Variants in TMEM164 observed in about 807,000 individuals in gnomAD.
TMEM164 encodes RP13-360B22.2.
Under a neutral mutation model 18.8 loss-of-function variants are expected in TMEM164, and 4 were observed. That is an observed-to-expected ratio of 0.21 (90% confidence interval 0.10 to 0.49). The LOEUF (loss-of-function observed/expected upper bound fraction) is 0.49, where lower values mean the gene tolerates loss of function less well. Ranked by LOEUF, TMEM164 falls within the 20% of genes least tolerant of loss-of-function variation. The pLI, the probability that TMEM164 is intolerant of heterozygous loss-of-function variation, is 0.98. For missense variants in TMEM164, 108 were observed against 239.9 expected, an observed-to-expected ratio of 0.45 and a Z score of 3.63; for synonymous variants, 86 against 101.7, an observed-to-expected ratio of 0.85 and a Z score of 0.93.
chrX:110,014,744 C>CTTTTTTTTTTTTTTTTTTTTTGTTTTTT (rs1933221325), intron 2 of TMEM164, among the ~76,000 whole-genome samples: 1 of 54,239 alleles, frequency 1.8e-5, no homozygotes, highest in Non-Finnish European at 3.2e-5. Context: ...TTGGTTGTTT[C>CTTTTTTTTTTTTTTTTTTTTTGTTTTTT]TTTTTTTTTT....
intron 4 of TMEM164, among the ~76,000 whole-genome samples, chrX:110,143,728 G>A (rs1194163360): frequency 9.1e-6 from 1 of 110,095 alleles, no homozygotes; most frequent in African/African-American, 3.3e-5. Flanking sequence ...TCTTGGTTAT[G>A]TGCTTGCCCT....
At chrX:110,041,141 G>A (rs973748350) in intron 2 of TMEM164, among the ~76,000 whole-genome samples, 1 of 111,971 alleles carries the variant, frequency 8.9e-6, no homozygotes, top group Non-Finnish European at 1.9e-5. Context: ...TTTCAAAAAT[G>A]TTTGTTGTAA....
intron 2 of TMEM164, among the ~76,000 whole-genome samples, chrX:110,014,744 C>CTTTTTTTTTTTTTTTTTTTTTTT (rs142705177): frequency 1.5e-3 from 83 of 54,180 alleles, no homozygotes; most frequent in Non-Finnish European, 1.8e-3. Context: ...TTGGTTGTTT[C>CTTTTTTTTTTTTTTTTTTTTTTT]TTTTTTTTTT....
At chrX:110,062,644 A>G (rs1466737951) in intron 2 of TMEM164, among the ~76,000 whole-genome samples, 1 of 111,995 alleles carries the variant, frequency 8.9e-6, no homozygotes, top group Admixed American at 9.5e-5. Context: ...TGGTTGAGTA[A>G]ATTATTGCAT....
chrX:110,015,136 C>T (rs1032975676), intron 2 of TMEM164, among the ~76,000 whole-genome samples: 3 of 112,164 alleles, frequency 2.7e-5, no homozygotes, highest in African/African-American at 9.7e-5. Context: ...CCACCAATCA[C>T]TAGAGAAGGA....
At chrX:110,063,780 AT>A (rs1448799282) in intron 2 of TMEM164, among the ~76,000 whole-genome samples, 1 of 111,180 alleles carries the variant, frequency 9.0e-6, no homozygotes, top group Non-Finnish European at 1.9e-5. Context: ...ATCTATGTAA[AT>A]GCAATTTGCT....
downstream of TMEM164, among the ~76,000 whole-genome samples, chrX:110,181,653 T>C (rs1232133350): frequency 8.8e-6 from 1 of 113,178 alleles, no homozygotes; most frequent in African/African-American, 3.2e-5. Flanking sequence ...CAGGGCCTGC[T>C]CTCCCAGTTC....
chrX:110,067,739 A>G (rs901695031), intron 3 of TMEM164, among the ~76,000 whole-genome samples: 3 of 112,213 alleles, frequency 2.7e-5, no homozygotes, highest in African/African-American at 9.7e-5. Flanking sequence ...TTGCTTTGTG[A>G]GCCTACTGCT....
At chrX:110,152,370 A>G (rs2066955732) in intron 5 of TMEM164, among the ~76,000 whole-genome samples, 1 of 110,806 alleles carries the variant, frequency 9.0e-6, no homozygotes, top group African/African-American at 3.3e-5. Flanking sequence ...TTACCTTTCT[A>G]TGTAATTTAT....
chrX:110,163,401 A>G (rs1435957765), intron 5 of TMEM164, among the ~76,000 whole-genome samples: 1 of 112,398 alleles, frequency 8.9e-6, no homozygotes, highest in African/African-American at 3.2e-5. Context: ...TAATCAATAT[A>G]AAAATTATTA....
At chrX:110,133,285 A>G (rs958477190) in intron 4 of TMEM164, among the ~76,000 whole-genome samples, 1 of 111,125 alleles carries the variant, frequency 9.0e-6, no homozygotes, top group African/African-American at 3.3e-5. Flanking sequence ...CGAGTAGCTG[A>G]GATTGCAGGC....
Position 110,167,899 on chromosome X carries a change from C to T in TMEM164, c.587-3521C>T, listed in dbSNP as rs186176615. ...AGTGAGAGCACTGAGAAACAGTGTC[C>T]CCTGGTAGTATCTCTGAGTGTTCCT... On this transcript the variant is annotated intron_variant, in intron 5 of 6. Transcript: ENST00000372068. Among the ~76,000 whole-genome samples, 543 of 111,833 alleles carry T rather than the reference C, an allele frequency of 4.9e-3. 2 individuals are homozygous for T. The highest frequency in any genetic ancestry group is 0.017 in the African/African-American group (511 of 30,727).
intron 5 of TMEM164, among the ~76,000 whole-genome samples, chrX:110,150,913 T>A (rs1390411081): frequency 8.9e-6 from 1 of 111,742 alleles, no homozygotes; most frequent in Non-Finnish European, 1.9e-5. Flanking sequence ...ATGCCAGATA[T>A]TGTCACACAC....
At chrX:110,074,345 T>C (rs751886640) in intron 3 of TMEM164, among the ~76,000 whole-genome samples, 1 of 111,885 alleles carries the variant, frequency 8.9e-6, no homozygotes, top group Non-Finnish European at 1.9e-5. Context: ...TTCTTATAGA[T>C]TTGGGTTATT....
At chrX:110,147,230 T>C (rs1224034702) in intron 5 of TMEM164, among the ~76,000 whole-genome samples, 1 of 112,185 alleles carries the variant, frequency 8.9e-6, no homozygotes, top group East Asian at 2.8e-4. Flanking sequence ...TCCTTCAAAC[T>C]TGTTGCCTGT....
intron 2 of TMEM164, among the ~76,000 whole-genome samples, chrX:110,030,470 TA>T (rs1934433759): frequency 9.3e-6 from 1 of 107,098 alleles, no homozygotes; most frequent in African/African-American, 3.4e-5. Context: ...ATGTGGGTTT[TA>T]TTATTGTTCA....
rs2067260830 is a variant in TMEM164, at chrX:110,173,801, T to G, written c.*350T>G. 4.7e-6 allele frequency: 1 copy of G among 210,731 alleles called. No homozygotes were observed. Among genetic ancestry groups the G allele is most frequent in the African/African-American group, 3.0e-5 (1 of 33,301 alleles). 17.4% of individuals were successfully genotyped at this position (210,731 alleles called of 1,213,427 possible). Reference sequence around the variant, plus strand: ...TGAGGAGAAAGGGAACAACAAGTAGTAGTTCTTTTGGCATCGAAGCAATGA... The same window carrying G: ...TGAGGAGAAAGGGAACAACAAGTAGGAGTTCTTTTGGCATCGAAGCAATGA... On this transcript the variant is annotated 3_prime_UTR_variant, in exon 7 of 7. Coordinates refer to ENST00000372068, the MANE Select transcript of TMEM164 (RefSeq NM_032227.4).
In TMEM164 at chrX:110,176,346, C is replaced by G. The variant is rs1296565863; in HGVS notation, c.*2895C>G. 1.7e-5 allele frequency: 13 copies of G among 754,239 alleles called. No homozygotes were observed. Among genetic ancestry groups the G allele is most frequent in the Non-Finnish European group, 2.0e-5 (13 of 639,080 alleles). 62.2% of individuals were successfully genotyped at this position (754,239 alleles called of 1,213,427 possible). Reference sequence around the variant, plus strand: ...GTTTTGTACACCAAAGATGATCTGGCCCATCTTCCTCCCAGAGGCACAACA... The same window carrying G: ...GTTTTGTACACCAAAGATGATCTGGGCCATCTTCCTCCCAGAGGCACAACA... On this transcript the variant is annotated 3_prime_UTR_variant, in exon 7 of 7. Coordinates refer to ENST00000372068, the MANE Select transcript of TMEM164 (RefSeq NM_032227.4).
chrX:110,076,686 C>T (rs1602578283), intron 3 of TMEM164, among the ~76,000 whole-genome samples: 1 of 111,666 alleles, frequency 9.0e-6, no homozygotes, highest in Admixed American at 9.5e-5. Context: ...TCATTAATGT[C>T]GAAGAATTTT....
Sources: allele counts gnomAD v4.1 joint callset (sites outside exome capture counted in the v4.1 genomes callset), GRCh38; gene constraint gnomAD v4.1.1; transcripts MANE v1.5; gene names NCBI Gene and HGNC (gene_info 2026-07-23, HGNC 2026-07-21).